TMF1: variants seen among roughly 807,000 people sequenced by gnomAD.
TMF1 encodes the protein TATA element modulatory factor.
In TMF1, 71 loss-of-function variants were observed where a neutral mutation model predicts 126.5. The ratio of observed to expected loss-of-function variants is 0.56; its 90% CI spans 0.46 to 0.68. The LOEUF (loss-of-function observed/expected upper bound fraction) is 0.68, where lower values mean the gene tolerates loss of function less well. Ranked by LOEUF, TMF1 falls within the 30% of genes least tolerant of loss-of-function variation. TMF1 has a pLI of 0.00. For synonymous variants in TMF1, 461 were observed against 430.5 expected (o/e 1.07, Z -0.88); for missense variants, 1,259 against 1,253.2 (o/e 1.00, Z -0.07).
chr3:69,042,598 C>A, intron 5 of TMF1: 3 of 661,300 alleles, frequency 4.5e-6, no homozygotes, highest in East Asian at 3.0e-5. Context: ...TTTCTTTTTA[C>A]TTCCAAAAAA....
In TMF1 at chr3:69,023,108, G is replaced by T. The variant is rs951172679; in HGVS notation, c.*69C>A. On this transcript the variant is annotated 3_prime_UTR_variant, in exon 17 of 17. Transcript: ENST00000398559. ...TCTAATTCTATAAAAGAATTTATTGGAAGTCCACATTAAATGTTTAGATAT... is the reference window on the plus strand; with the variant it reads ...TCTAATTCTATAAAAGAATTTATTGTAAGTCCACATTAAATGTTTAGATAT... 4.4e-5 allele frequency: 62 copies of T among 1,399,344 alleles called. No homozygotes were observed. The highest frequency in any genetic ancestry group is 3.6e-5 in the Non-Finnish European group (37 of 1,026,560). 86.7% of individuals were successfully genotyped at this position (1,399,344 alleles called of 1,614,324 possible). A position where few individuals can be genotyped will look rare whatever the true frequency, so the allele number is the denominator to read the frequency against.
chr3:69,039,361 G>A (rs569099971), intron 6 of TMF1, among the ~76,000 whole-genome samples, 190 bp downstream of exon 6: 12 of 152,258 alleles, frequency 7.9e-5, no homozygotes, highest in African/African-American at 2.4e-4. Context: ...CGCAGCCTCC[G>A]AAAGTGTTGG....
In TMF1 at chr3:69,047,409, T is replaced by C. The variant is rs200595469; in HGVS notation, c.1296A>G (p.Glu432=). The C allele has an allele frequency of 2.4e-5, 38 of 1,613,602 alleles. No individual in the cohort carries two copies. In the East Asian group the frequency reaches 8.2e-4, roughly 35 times the overall value. Residue 432 remains glutamate (E), a synonymous_variant, in exon 2 of 17, where the codon GAA becomes GAG. Coordinates refer to ENST00000398559, the MANE Select transcript of TMF1 (RefSeq NM_007114.3). ...GTGCTTCTGGCTGACTTTCAGCAGGTTCACACTGCTCAGCCACCTTGTCTA... is the reference window on the plus strand; with the variant it reads ...GTGCTTCTGGCTGACTTTCAGCAGGCTCACACTGCTCAGCCACCTTGTCTA... The part of the protein sequence containing the change: ...TVLDKVAEQC[E]PAESQPEALS...
intron 10 of TMF1, among the ~76,000 whole-genome samples, chr3:69,030,961 C>T (rs1034953934): frequency 1.3e-5 from 2 of 152,204 alleles, no homozygotes; most frequent in Non-Finnish European, 2.9e-5. Flanking sequence ...TTCACAGTAG[C>T]TTTATCTGTA....
chr3:69,044,816 G>GA (rs1179808629), intron 2 of TMF1, among the ~76,000 whole-genome samples: 2 of 152,194 alleles, frequency 1.3e-5, no homozygotes, highest in Non-Finnish European at 2.9e-5. Flanking sequence ...TGTAAGTTGA[G>GA]AAACCCCTTG....
rs1182610446 is a variant in TMF1 at position 69,052,203 on chromosome 3, G to C, written c.-117C>G. ...TTTCCACTCGGCTGGTTCTGTCAGC[G>C]TGTGGCCATTACCCCGACAGCCTCC... is the stretch of plus-strand genomic sequence containing the variant. On this transcript the variant is annotated 5_prime_UTR_variant, in exon 1 of 17. Coordinates refer to ENST00000398559, the MANE Select transcript of TMF1 (RefSeq NM_007114.3). The C allele has an allele frequency of 4.9e-6, 6 of 1,219,570 alleles. No homozygotes were observed. The highest frequency in any genetic ancestry group is 4.6e-5 in the African/African-American group (3 of 64,804). 75.5% of individuals were successfully genotyped at this position (1,219,570 alleles called of 1,614,324 possible). A position where few individuals can be genotyped will look rare whatever the true frequency, so the allele number is the denominator to read the frequency against.
In TMF1 at chr3:69,038,412, AAACAC is replaced by A. The variant is rs1420981670; in HGVS notation, c.2151+147_2151+151del. The A allele has an allele frequency of 4.4e-6, 4 of 915,454 alleles. No individual in the cohort carries two copies. In the African/African-American group the frequency reaches 6.7e-5, roughly 15 times the overall value. The allele number at this position is 915,454 out of a possible 1,614,324, so 56.7% of individuals were successfully genotyped here. A position where few individuals can be genotyped will look rare whatever the true frequency, so the allele number is the denominator to read the frequency against. ...TAAGCATTACTTTAACAGTTTTAAA[AAACAC>A]AACTGGTTAAATTTAGCAGAATCCA... is the stretch of plus-strand genomic sequence containing the variant. On this transcript the variant is annotated intron_variant, in intron 8 of 16. Coordinates refer to ENST00000398559, the MANE Select transcript of TMF1 (RefSeq NM_007114.3).
intron 5 of TMF1, among the ~76,000 whole-genome samples, chr3:69,041,398 T>C (rs979165648): frequency 1.3e-5 from 2 of 152,168 alleles, no homozygotes; most frequent in Non-Finnish European, 2.9e-5. Context: ...AACCGTTCAA[T>C]AAATATTAGT....
At chr3:69,037,068 TAAC>T (rs1467758253) in intron 8 of TMF1, among the ~76,000 whole-genome samples, 3 of 151,900 alleles carry the variant, frequency 2.0e-5, no homozygotes, top group Non-Finnish European at 2.9e-5. Flanking sequence ...GAACTCATAA[TAAC>T]AATAAAAAGA....
Position 69,023,100 on chromosome 3 carries a change from A to G in TMF1, c.*77T>C. On this transcript the variant is annotated 3_prime_UTR_variant, in exon 17 of 17. Coordinates refer to ENST00000398559, the MANE Select transcript of TMF1 (RefSeq NM_007114.3). ...TCCCACTTTCTAATTCTATAAAAGA[A>G]TTTATTGGAAGTCCACATTAAATGT... 1 of 1,385,982 alleles carries G rather than the reference A, an allele frequency of 7.2e-7. No homozygotes were observed. Among genetic ancestry groups the G allele is most frequent in the Non-Finnish European group, 9.8e-7 (1 of 1,020,120 alleles). 85.9% of individuals were successfully genotyped at this position (1,385,982 alleles called of 1,614,324 possible). A position where few individuals can be genotyped will look rare whatever the true frequency, so the allele number is the denominator to read the frequency against.
At position 69,027,940 on chromosome 3, in the gene TMF1, C is replaced by T; in HGVS notation, c.2717G>A (p.Arg906Lys). 6.3e-7 allele frequency: 1 copy of T among 1,587,838 alleles called. No individual in the cohort carries two copies. The highest frequency in any genetic ancestry group is 2.2e-5 in the East Asian group (1 of 44,596). The change falls in exon 13 of 17, where the codon AGG (arginine) becomes AAG (lysine). Residue 906 changes from arginine (R) to lysine (K), a missense_variant. By Grantham distance (26) the Arg-to-Lys change is conservative. Transcript: ENST00000398559. ...TTCTTGAGTAAAAATGGCTTTCTTC[C>T]TTTCTTGTTCAACTTTCATTCTTTC... Reference protein sequence around the residue: ...EMERMKVEQERKKAIFTQETI... With the variant: ...EMERMKVEQEKKKAIFTQETI...
rs753566303 is a variant in TMF1, at chr3:69,047,405, C to T, written c.1300G>A (p.Ala434Thr). The stretch of plus-strand genomic sequence containing the variant: ...GAAAGTGCTTCTGGCTGACTTTCAG[C>T]AGGTTCACACTGCTCAGCCACCTTG... ...LDKVAEQCEP[A>T]ESQPEALSEK... The change falls in exon 2 of 17, where the codon GCT (alanine) becomes ACT (threonine). Residue 434 changes from alanine to threonine, a missense_variant. Transcript: ENST00000398559. The T allele has an allele frequency of 2.5e-5, 40 of 1,605,444 alleles. No individual in the cohort carries two copies. Among genetic ancestry groups the T allele is most frequent in the Non-Finnish European group, 3.4e-5 (40 of 1,175,804 alleles).
intron 1 of TMF1, among the ~76,000 whole-genome samples, chr3:69,049,454 G>A (rs990677799): frequency 1.3e-5 from 2 of 152,180 alleles, no homozygotes; most frequent in African/African-American, 4.8e-5. Flanking sequence ...TTAAACTGAT[G>A]GGAATGGTAA....
rs1381358108 is a variant in TMF1, at chr3:69,026,116, T to A, written c.2758-19A>T. ...TGCGTTCCTTAGGGAGTAAAAAAAA[T>A]TCTGTTCATATTAAAGAGCAAAGAG... On this transcript the variant is annotated intron_variant, in intron 13 of 16. Coordinates refer to ENST00000398559, the MANE Select transcript of TMF1 (RefSeq NM_007114.3). 3.2e-6 allele frequency: 5 copies of A among 1,547,186 alleles called. No individual in the cohort carries two copies. Among genetic ancestry groups the A allele is most frequent in the Non-Finnish European group, 4.5e-6 (5 of 1,120,780 alleles).
Position 69,020,063 on chromosome 3 carries a change from A to AT in TMF1, c.*3113dup, listed in dbSNP as rs1009480232. The AT allele has an allele frequency of 5.3e-5, 8 of 152,176 alleles. No individual in the cohort carries two copies. The highest frequency in any genetic ancestry group is 1.4e-4 in the African/African-American group (6 of 41,478). 9.4% of individuals were successfully genotyped at this position (152,176 alleles called of 1,614,324 possible). ...AATGTATACGTACTAAACATACAGTATTAAAACAAGATAAAACATCTACAG... is the reference window on the plus strand; with the variant it reads ...AATGTATACGTACTAAACATACAGTATTTAAAACAAGATAAAACATCTACAG... On this transcript the variant is annotated 3_prime_UTR_variant, in exon 17 of 17. Coordinates refer to ENST00000398559, the MANE Select transcript of TMF1 (RefSeq NM_007114.3).
At position 69,039,070 on chromosome 3, in the gene TMF1, G is replaced by A. The variant is rs1420053936; in HGVS notation, c.1828-61C>T. The A allele has an allele frequency of 4.9e-6, 6 of 1,233,448 alleles. No individual in the cohort carries two copies. In the African/African-American group the frequency reaches 6.2e-5, roughly 13 times the overall value. The allele number at this position is 1,233,448 out of a possible 1,614,324, so 76.4% of individuals were successfully genotyped here. A position where few individuals can be genotyped will look rare whatever the true frequency, so the allele number is the denominator to read the frequency against. On this transcript the variant is annotated intron_variant, in intron 6 of 16. Transcript: ENST00000398559. ...AGAAATAATACCATGGTAAATAACTGTATTCCAGGAATCTATAATAATGGA... is the reference window on the plus strand; with the variant it reads ...AGAAATAATACCATGGTAAATAACTATATTCCAGGAATCTATAATAATGGA...
At chr3:69,033,507 G>T in intron 10 of TMF1, 41 bp downstream of exon 10, 2 of 1,574,056 alleles carry the variant, frequency 1.3e-6, no homozygotes, top group South Asian at 1.2e-5. Context: ...TAAACAAGAT[G>T]GAAGAGCTTC....
At position 69,048,099 on chromosome 3, in the gene TMF1, A is replaced by G; in HGVS notation, c.606T>C (p.Asp202=). Residue 202 remains aspartate (D), a synonymous_variant, in exon 2 of 17, where the codon GAT becomes GAC. Transcript: ENST00000398559. The stretch of plus-strand genomic sequence containing the variant: ...ATATACTTTCCATAGTTGTTTTCAC[A>G]TCAATTACACTTTCAGATACTTTCA... ...VSLKVSESVI[D]VKTTMESISN... is the part of the protein sequence containing the mutation. 6.2e-7 allele frequency: 1 copy of G among 1,614,208 alleles called. No homozygotes were observed. Among genetic ancestry groups the G allele is most frequent in the African/African-American group, 1.3e-5 (1 of 75,058 alleles).
At chr3:69,042,780 T>G in intron 5 of TMF1, 27 bp downstream of exon 5, 1 of 1,559,744 alleles carries the variant, frequency 6.4e-7, no homozygotes, top group Non-Finnish European at 8.8e-7. Context: ...ACAGTATTTT[T>G]CATAGTCAAC....
Sources: gnomAD v4.1 joint callset for allele counts (sites outside exome capture counted in the v4.1 genomes callset) on GRCh38, gnomAD v4.1.1 for gene constraint, MANE v1.5 for transcripts, NCBI Gene and HGNC (gene_info 2026-07-23, HGNC 2026-07-21) for gene names.